Variants in ST6GAL1 observed in about 807,000 individuals in gnomAD.
ST6GAL1 encodes the protein beta-galactoside alpha-2,6-sialyltransferase 1.
ST6GAL1 carries 20 observed loss-of-function variants against 38.0 expected under a neutral mutation model. The ratio of observed to expected loss-of-function variants is 0.53; its 90% CI spans 0.37 to 0.77. The LOEUF (loss-of-function observed/expected upper bound fraction) is 0.77. ST6GAL1 is among the 30% of genes least tolerant of loss of function. ST6GAL1 has a pLI of 0.00. For missense variants in ST6GAL1, 432 were observed against 496.4 expected (o/e 0.87, Z 1.23); for synonymous variants, 196 against 188.2 (o/e 1.04, Z -0.34).
At chr3:187,039,189 C>T (rs528294815) in intron 3 of ST6GAL1, among the ~76,000 whole-genome samples, 25 of 152,232 alleles carry the variant, frequency 1.6e-4, no homozygotes, top group Non-Finnish European at 2.5e-4. Flanking sequence ...ACGGGTGGGT[C>T]GGGACAGGAT....
intron 1 of ST6GAL1, among the ~76,000 whole-genome samples, chr3:186,935,507 G>A (rs939326295): frequency 6.6e-6 from 1 of 152,026 alleles, no homozygotes; most frequent in African/African-American, 2.4e-5. Flanking sequence ...ATATTCCTTC[G>A]GGTATTTACT....
intron 5 of ST6GAL1, chr3:187,072,183 G>T (rs893793035): frequency 1.3e-5 from 2 of 153,042 alleles, no homozygotes; most frequent in East Asian, 3.9e-4. Context: ...GCCATTGCTG[G>T]TTCCCTCAGC....
intron 1 of ST6GAL1, among the ~76,000 whole-genome samples, chr3:186,957,845 G>A (rs1330957138): frequency 1.3e-5 from 2 of 152,040 alleles, no homozygotes; most frequent in Non-Finnish European, 2.9e-5. Context: ...CAAATATGAG[G>A]GTGGAATAAT....
In ST6GAL1 at chr3:186,977,781, A is replaced by G. The variant is rs1047368353; in HGVS notation, c.-183+13855A>G. 4.6e-5 allele frequency among the ~76,000 whole-genome samples: 7 copies of G among 152,186 alleles called. No individual in the cohort carries two copies. In the East Asian group the frequency reaches 1.3e-3, roughly 29 times the overall value. ...AAAGACACATAAAATAAAAATGAAG[A>G]TATTAATAATCAGTTTAATAATATT... is the stretch of plus-strand genomic sequence containing the variant. On this transcript the variant is annotated intron_variant, in intron 2 of 7. Coordinates refer to ENST00000169298, the MANE Select transcript of ST6GAL1 (RefSeq NM_173216.2).
At chr3:186,974,420 A>G (rs202078854) in intron 2 of ST6GAL1, among the ~76,000 whole-genome samples, 2 of 152,164 alleles carry the variant, frequency 1.3e-5, no homozygotes, top group East Asian at 3.9e-4. Context: ...GTGAGCCACC[A>G]TGGACCATGG....
intron 5 of ST6GAL1, among the ~76,000 whole-genome samples, chr3:187,071,231 A>G (rs114738798): frequency 0.01 from 1,528 of 152,194 alleles, 19 homozygotes; most frequent in African/African-American, 0.025. Flanking sequence ...ATTCCTCTCA[A>G]TTTTTACCTG....
intron 2 of ST6GAL1, among the ~76,000 whole-genome samples, chr3:187,022,412 T>A (rs186523273): frequency 6.6e-6 from 1 of 152,248 alleles, no homozygotes; most frequent in Admixed American, 6.5e-5. Flanking sequence ...TAAGTGCGTT[T>A]TAGGGATTCT....
chr3:186,953,086 A>G (rs1475558696), intron 1 of ST6GAL1, among the ~76,000 whole-genome samples: 5 of 152,150 alleles, frequency 3.3e-5, no homozygotes, highest in Non-Finnish European at 7.3e-5. Context: ...TTTCTCTTAG[A>G]ATCGTTTCAC....
At chr3:186,980,622 AAAATT>A (rs1715666009) in intron 2 of ST6GAL1, among the ~76,000 whole-genome samples, 1 of 149,572 alleles carries the variant, frequency 6.7e-6, no homozygotes, top group African/African-American at 2.5e-5. Context: ...AAAAAAAAAA[AAAATT>A]AGCCAGGCAA....
chr3:187,038,719 T>C (rs1295636658), intron 2 of ST6GAL1, 23 bp from the exon 3 acceptor site: 1 of 152,234 alleles, frequency 6.6e-6, no homozygotes, highest in African/African-American at 2.4e-5. Context: ...TCTCTTTCTG[T>C]CTCTTATTTT....
chr3:187,054,774 C>T (rs1391070341), intron 5 of ST6GAL1, among the ~76,000 whole-genome samples: 2 of 152,048 alleles, frequency 1.3e-5, no homozygotes, highest in African/African-American at 2.4e-5. Context: ...TTTGTTTTGT[C>T]TCTGCTAGAC....
At chr3:187,069,604 C>A (rs900120465) in intron 5 of ST6GAL1, among the ~76,000 whole-genome samples, 1 of 152,212 alleles carries the variant, frequency 6.6e-6, no homozygotes, top group African/African-American at 2.4e-5. Flanking sequence ...ACAGGAGCTT[C>A]TTTGTGGTCT....
chr3:186,951,795 G>C (rs1019819823), intron 1 of ST6GAL1, among the ~76,000 whole-genome samples: 4 of 152,074 alleles, frequency 2.6e-5, no homozygotes, highest in Non-Finnish European at 5.9e-5. Flanking sequence ...CCGTAAACAG[G>C]GTGGTTTATA....
intron 5 of ST6GAL1, among the ~76,000 whole-genome samples, chr3:187,062,365 A>G (rs1024414358): frequency 5.3e-5 from 8 of 152,192 alleles, no homozygotes; most frequent in African/African-American, 1.9e-4. Flanking sequence ...AAGGGTCTTG[A>G]AGAGATATTC....
At chr3:187,062,008 A>C (rs920756013) in intron 5 of ST6GAL1, among the ~76,000 whole-genome samples, 10 of 152,150 alleles carry the variant, frequency 6.6e-5, no homozygotes, top group Non-Finnish European at 1.3e-4. Flanking sequence ...TATATAGAAC[A>C]CTCTTCAAAC....
chr3:187,051,112 A>G, intron 4 of ST6GAL1, 137 bp from the exon 5 acceptor site: 1 of 740,518 alleles, frequency 1.4e-6, no homozygotes, highest in Admixed American at 2.3e-5. Context: ...AAATACTGCC[A>G]TTTCGCCCTG....
chr3:187,025,727 G>C (rs1717511934), intron 2 of ST6GAL1, among the ~76,000 whole-genome samples: 2 of 152,142 alleles, frequency 1.3e-5, no homozygotes, highest in Non-Finnish European at 2.9e-5. Flanking sequence ...ATTTCCCTTT[G>C]CCATGGCTGT....
At chr3:187,074,645 C>G (rs1027411560) in intron 7 of ST6GAL1, among the ~76,000 whole-genome samples, 1 of 151,962 alleles carries the variant, frequency 6.6e-6, no homozygotes, top group Non-Finnish European at 1.5e-5. Context: ...TTGCTTATAG[C>G]CTCATGGAGG....
chr3:187,060,522 A>T (rs970664565), intron 5 of ST6GAL1, among the ~76,000 whole-genome samples: 1 of 152,196 alleles, frequency 6.6e-6, no homozygotes, highest in Non-Finnish European at 1.5e-5. Flanking sequence ...ACTGGCTTTC[A>T]TCTGAGCAGA....
Sources: allele counts gnomAD v4.1 joint callset (sites outside exome capture counted in the v4.1 genomes callset), GRCh38; gene constraint gnomAD v4.1.1; transcripts MANE v1.5; gene names NCBI Gene and HGNC (gene_info 2026-07-23, HGNC 2026-07-21).